CENPP: variants seen among roughly 807,000 people sequenced by gnomAD.
CENPP encodes the protein centromere protein P.
CENPP carries 24 observed loss-of-function variants against 35.6 expected under a neutral mutation model. The ratio of observed to expected loss-of-function variants is 0.67; its 90% CI spans 0.49 to 0.95. CENPP has a LOEUF of 0.95. CENPP is among the 40% of genes least tolerant of loss of function. CENPP has a pLI of 0.00. For missense variants in CENPP, 332 were observed against 345.3 expected, an observed-to-expected ratio of 0.96 and a Z score of 0.31; for synonymous variants, 120 against 125.5, an observed-to-expected ratio of 0.96 and a Z score of 0.29.
intron 5 of CENPP, among the ~76,000 whole-genome samples, chr9:92,565,185 G>C (rs1020437612): frequency 3.4e-5 from 5 of 146,988 alleles, no homozygotes; most frequent in Non-Finnish European, 5.9e-5. Flanking sequence ...AACTCTTGCA[G>C]CTTCTACAGT....
rs760480643 is a variant in CENPP at position 92,432,196 on chromosome 9, G to A, written c.564+52337G>A. 5.9e-4 allele frequency among the ~76,000 whole-genome samples: 89 copies of A among 152,048 alleles called. 1 individual carries two copies. The highest frequency in any genetic ancestry group is 5.7e-4 in the Non-Finnish European group (39 of 68,010). ...AAAAATTAGCTGGGCGTGGTGATGG[G>A]TGCATGTAATCCCAGCTACTTGGGA... On this transcript the variant is annotated intron_variant, in intron 5 of 7. Coordinates refer to ENST00000375587, the MANE Select transcript of CENPP (RefSeq NM_001012267.3).
chr9:92,475,688 C>T (rs191992911), intron 5 of CENPP, among the ~76,000 whole-genome samples: 8 of 152,304 alleles, frequency 5.3e-5, no homozygotes, highest in African/African-American at 1.9e-4. Context: ...GATTTCTCTC[C>T]ACCTTTCCCA....
At chr9:92,533,767 CAG>C (rs1437860364) in intron 5 of CENPP, among the ~76,000 whole-genome samples, 2 of 152,072 alleles carry the variant, frequency 1.3e-5, no homozygotes, top group Admixed American at 1.3e-4. Flanking sequence ...TAATTGGAAA[CAG>C]AATTACGGTT....
chr9:92,517,594 G>T, intron 5 of CENPP: 1 of 1,535,128 alleles, frequency 6.5e-7, no homozygotes, highest in Non-Finnish European at 8.9e-7. Flanking sequence ...TCTGACTAAT[G>T]TATCATAATT....
In CENPP at chr9:92,326,088, A is replaced by C; in HGVS notation, c.90A>C (p.Glu30Asp). The change falls in exon 1 of 8, where the codon GAA (glutamate) becomes GAC (aspartate). Residue 30 changes from glutamate (E) to aspartate (D), a missense_variant. By Grantham distance (45) the Glu-to-Asp change is conservative. Transcript: ENST00000375587. ...GTGAGGACCCACCGGCGCCCTGGGA[A>C]GAGAAGTCCCGAGTCCAGTACGTGA... ...RACEDPPAPW[E>D]EKSRVQKSFQ... 1 of 1,555,988 alleles carries C rather than the reference A, an allele frequency of 6.4e-7. No homozygotes were observed.
intron 5 of CENPP, chr9:92,502,732 A>G: frequency 8.6e-7 from 1 of 1,166,038 alleles, no homozygotes; most frequent in Non-Finnish European, 1.2e-6. Flanking sequence ...AAATAGTGAC[A>G]TAGACTATTA....
chr9:92,405,485 A>G (rs1052002730), intron 5 of CENPP, among the ~76,000 whole-genome samples: 1 of 152,182 alleles, frequency 6.6e-6, no homozygotes, highest in Non-Finnish European at 1.5e-5. Flanking sequence ...ATAAACTAAG[A>G]CTTGAGCACT....
chr9:92,519,285 A>G (rs1041970907), intron 5 of CENPP, among the ~76,000 whole-genome samples: 6 of 152,218 alleles, frequency 3.9e-5, no homozygotes, highest in South Asian at 2.1e-4. Context: ...CAAAATTTCC[A>G]TGGCCTTTTT....
intron 5 of CENPP, among the ~76,000 whole-genome samples, chr9:92,596,467 A>AAAAG (rs1564015684): frequency 2.7e-5 from 4 of 150,102 alleles, no homozygotes; most frequent in African/African-American, 4.9e-5. Flanking sequence ...AAAAAAAAAA[A>AAAAG]AAAGAAAGAA....
intron 5 of CENPP, among the ~76,000 whole-genome samples, chr9:92,432,974 C>T (rs1208994085): frequency 6.6e-6 from 1 of 152,170 alleles, no homozygotes; most frequent in Non-Finnish European, 1.5e-5. Context: ...TTGAATCTTT[C>T]ATGGTATTGA....
rs1328687495 is a variant in CENPP, at chr9:92,431,630, A to G, written c.564+51771A>G. On this transcript the variant is annotated intron_variant, in intron 5 of 7. Transcript: ENST00000375587. The stretch of plus-strand genomic sequence containing the variant: ...AGCTCTGTTTCCCAGGCTGGGGTGC[A>G]GTGGCATGATGTTGGCTCACTGCAA... Among the ~76,000 whole-genome samples the G allele has an allele frequency of 3.3e-5, 5 of 151,864 alleles. No homozygotes were observed. In the South Asian group the frequency reaches 8.3e-4, roughly 25 times the overall value.
At chr9:92,516,102 C>T (rs191773461) in intron 5 of CENPP, among the ~76,000 whole-genome samples, 1 of 150,890 alleles carries the variant, frequency 6.6e-6, no homozygotes, top group Admixed American at 6.6e-5. Flanking sequence ...CTTGCTCTGT[C>T]GCCCAGGCTG....
chr9:92,459,669 T>A, intron 5 of CENPP: 1 of 1,613,312 alleles, frequency 6.2e-7, no homozygotes, highest in Non-Finnish European at 8.5e-7. Flanking sequence ...TGAAGGGATT[T>A]TTTTTAGTTT....
At chr9:92,551,981 G>GA (rs370904814) in intron 5 of CENPP, among the ~76,000 whole-genome samples, 5 of 54,786 alleles carry the variant, frequency 9.1e-5, no homozygotes, top group Non-Finnish European at 1.7e-4. Context: ...ATATATGTGT[G>GA]TGTATATATG....
chr9:92,518,556 A>G (rs1468853598), intron 5 of CENPP, among the ~76,000 whole-genome samples: 1 of 152,186 alleles, frequency 6.6e-6, no homozygotes, highest in African/African-American at 2.4e-5. Flanking sequence ...ATGGTTTATT[A>G]TGCTATTGAA....
chr9:92,573,367 C>G (rs1412782053), intron 5 of CENPP, among the ~76,000 whole-genome samples: 1 of 152,174 alleles, frequency 6.6e-6, no homozygotes, highest in Non-Finnish European at 1.5e-5. Flanking sequence ...GAGGTCCACT[C>G]CAGACCCTTT....
At chr9:92,558,439 C>T (rs1849774121) in intron 5 of CENPP, among the ~76,000 whole-genome samples, 1 of 152,182 alleles carries the variant, frequency 6.6e-6, no homozygotes, top group Admixed American at 6.5e-5. Flanking sequence ...AGTGAGTCTG[C>T]CCGGCTCTGG....
chr9:92,577,592 T>G (rs1458081014), intron 5 of CENPP, among the ~76,000 whole-genome samples: 1 of 152,066 alleles, frequency 6.6e-6, no homozygotes, highest in Non-Finnish European at 1.5e-5. Context: ...TAAGCTTTCT[T>G]GTTTAGGGGT....
chr9:92,419,299 CTTT>C (rs34582930), intron 5 of CENPP, among the ~76,000 whole-genome samples: 1 of 117,100 alleles, frequency 8.5e-6, no homozygotes, highest in Non-Finnish European at 1.7e-5. Context: ...TGCCTTGTGT[CTTT>C]TTTTTTTTTT....
Sources: gnomAD v4.1 joint callset for allele counts (sites outside exome capture counted in the v4.1 genomes callset) on GRCh38, gnomAD v4.1.1 for gene constraint, MANE v1.5 for transcripts, NCBI Gene and HGNC (gene_info 2026-07-23, HGNC 2026-07-21) for gene names.